CDHR1: variants seen among roughly 807,000 people sequenced by gnomAD.
CDHR1 encodes cadherin-related family member 1.
In CDHR1, 61 loss-of-function variants were observed where a neutral mutation model predicts 72.1. That is an observed-to-expected ratio of 0.85 (90% CI 0.69 to 1.05). The LOEUF (loss-of-function observed/expected upper bound fraction) is 1.05, where lower values mean the gene tolerates loss of function less well. Among genes scored for constraint, CDHR1 ranks in the 50% least tolerant of loss-of-function variants. The pLI is 0.00. For synonymous variants in CDHR1, 470 were observed against 448.1 expected, an observed-to-expected ratio of 1.05 and a Z score of -0.62; for missense variants, 1,186 against 1,115.7, an observed-to-expected ratio of 1.06 and a Z score of -0.90.
In CDHR1 at chr10:84,216,543, C is replaced by T; in HGVS notation, c.*1922C>T. The T allele has an allele frequency of 9.1e-6, 9 of 985,498 alleles. No homozygotes were observed. The highest frequency in any genetic ancestry group is 1.1e-5 in the Non-Finnish European group (9 of 829,952). The allele number at this position is 985,498 out of a possible 1,614,324, so 61.0% of individuals were successfully genotyped here. A position where few individuals can be genotyped will look rare whatever the true frequency, so the allele number is the denominator to read the frequency against. ...CCAAAGGCCATGCTGATCCCCTGCTCCCTGCTTTCATTTATGTTTGCTGAC... is the reference window on the plus strand; with the variant it reads ...CCAAAGGCCATGCTGATCCCCTGCTTCCTGCTTTCATTTATGTTTGCTGAC... On this transcript the variant is annotated 3_prime_UTR_variant, in exon 17 of 17. Coordinates refer to ENST00000623527, the MANE Select transcript of CDHR1 (RefSeq NM_033100.4).
chr10:84,210,901 G>A lies in CDHR1; in HGVS notation c.1321-100G>A, dbSNP rs1564663798. The stretch of plus-strand genomic sequence containing the variant: ...AGCTGCGAGGAAGATCGGGAGACAC[G>A]GCAGATGGATGCCACATCAGTCCTG... On this transcript the variant is annotated intron_variant, in intron 12 of 16. Transcript: ENST00000623527. 1.6e-5 allele frequency: 21 copies of A among 1,326,694 alleles called. 1 individual carries two copies. The South Asian group carries it at 2.0e-4, about 13-fold the overall frequency. 82.2% of individuals were successfully genotyped at this position (1,326,694 alleles called of 1,614,324 possible). A position where few individuals can be genotyped will look rare whatever the true frequency, so the allele number is the denominator to read the frequency against.
At chr10:84,201,099 T>C (rs1842116867) in intron 6 of CDHR1, among the ~76,000 whole-genome samples, 1 of 152,174 alleles carries the variant, frequency 6.6e-6, no homozygotes, top group Non-Finnish European at 1.5e-5. Flanking sequence ...ACTGCACGGG[T>C]GCTGGAGAAA....
chr10:84,214,478 A>G lies in CDHR1; in HGVS notation c.2437A>G (p.Thr813Ala). Reference sequence around the variant, plus strand: ...TGGCGCAGCCCAGTGGACCGTGCCTACTGTCTCTGGCTCTCTCACTCCGCA... The same window carrying G: ...TGGCGCAGCCCAGTGGACCGTGCCTGCTGTCTCTGGCTCTCTCACTCCGCA... ...STGAAQWTVP[T>A]VSGSLTPQPT... The change falls in exon 17 of 17, where the codon ACT (threonine) becomes GCT (alanine). Residue 813 changes from threonine to alanine, a missense_variant. Transcript: ENST00000623527. The G allele has an allele frequency of 1.9e-6, 3 of 1,609,808 alleles. No individual in the cohort carries two copies. Among genetic ancestry groups the G allele is most frequent in the Non-Finnish European group, 1.7e-6 (2 of 1,179,568 alleles).
At chr10:84,219,042 G>GAAT, downstream of CDHR1, 2 of 769,612 alleles carry the variant, frequency 2.6e-6, no homozygotes, top group Middle Eastern at 4.9e-4. Context: ...TTTTACAGGT[G>GAAT]AGAACACTAA....
At chr10:84,195,694 G>A (rs1003439171) in intron 2 of CDHR1, 105 bp downstream of exon 2, 2 of 919,690 alleles carry the variant, frequency 2.2e-6, no homozygotes, top group Non-Finnish European at 3.5e-6. Flanking sequence ...CGCGCGCCCG[G>A]GGGCTCCTTG....
chr10:84,214,253 C>G lies in CDHR1; in HGVS notation c.2212C>G (p.Arg738Gly), dbSNP rs781596488. The change falls in exon 17 of 17, where the codon CGG becomes GGG. Residue 738 changes from arginine (R) to glycine (G), a missense_variant. Arg to Gly is a moderately radical substitution (Grantham distance 125, BLOSUM62 -2). Coordinates refer to ENST00000623527, the MANE Select transcript of CDHR1 (RefSeq NM_033100.4). The part of the protein sequence containing the change: ...KKSNKVLPMR[R>G]VLRKRPSPAP... ...GTCTAACAAGGTCCTGCCAATGCGG[C>G]GGGTGCTCCGCAAGCGGCCCAGCCC... The G allele has an allele frequency of 1.5e-5, 25 of 1,613,416 alleles. No homozygotes were observed. The Admixed American group carries it at 4.2e-4, about 27-fold the overall frequency.
At chr10:84,209,587 A>G (rs1314282891) in intron 12 of CDHR1, among the ~76,000 whole-genome samples, 2 of 151,848 alleles carry the variant, frequency 1.3e-5, no homozygotes, top group Non-Finnish European at 2.9e-5. Flanking sequence ...GAAAAAAGAC[A>G]GTCATTATTT....
intron 16 of CDHR1, 71 bp downstream of exon 16, chr10:84,213,419 A>G (rs1842373617): frequency 3.1e-6 from 5 of 1,598,240 alleles, no homozygotes; most frequent in Non-Finnish European, 3.4e-6. Context: ...ACGTGGGCAG[A>G]GCGAGAAGGA....
chr10:84,215,630 G>A lies in CDHR1; in HGVS notation c.*1009G>A, dbSNP rs1842414355. 3.1e-6 allele frequency: 3 copies of A among 962,024 alleles called. No individual in the cohort carries two copies. Among genetic ancestry groups the A allele is most frequent in the Non-Finnish European group, 3.7e-6 (3 of 808,734 alleles). 59.6% of individuals were successfully genotyped at this position (962,024 alleles called of 1,614,324 possible). On this transcript the variant is annotated 3_prime_UTR_variant, in exon 17 of 17. Coordinates refer to ENST00000623527, the MANE Select transcript of CDHR1 (RefSeq NM_033100.4). The stretch of plus-strand genomic sequence containing the variant: ...TACCTCACATGCAGGTCTAGGGTGA[G>A]GATTGAAGAAAATAGTGGTGATGAG...
In CDHR1 at chr10:84,211,098, A is replaced by T; in HGVS notation, c.1418A>T (p.Asp473Val). 1 of 1,613,868 alleles carries T rather than the reference A, an allele frequency of 6.2e-7. No individual in the cohort carries two copies. The highest frequency in any genetic ancestry group is 8.5e-7 in the Non-Finnish European group (1 of 1,179,976). ...ACCAATGACAATGTCCCCAAGTTCG[A>T]CTCCCTCTACTACGTTGCCAGGATT... The part of the protein sequence containing the change: ...LDTNDNVPKF[D>V]SLYYVARIPE... The change falls in exon 13 of 17, where the codon GAC becomes GTC. Residue 473 changes from aspartate to valine, a missense_variant. Transcript: ENST00000623527.
chr10:84,203,835 C>T (rs1027301182), intron 8 of CDHR1, among the ~76,000 whole-genome samples: 2 of 152,090 alleles, frequency 1.3e-5, no homozygotes, highest in African/African-American at 4.8e-5. Flanking sequence ...GGTGGGCCAG[C>T]GTAGGCCCAG....
rs145961269 is a variant in CDHR1, at chr10:84,213,379, G to A, written c.2040+31G>A. 5.8e-4 allele frequency: 931 copies of A among 1,613,898 alleles called. 5 individuals carry two copies. The African/African-American group carries it at 0.011, about 19-fold the overall frequency. ...TACAAAGCCATGGTCAGGAAAAAGGGGTCAGCAGGCCAGCTCAGACCTCTC... is the reference window on the plus strand; with the variant it reads ...TACAAAGCCATGGTCAGGAAAAAGGAGTCAGCAGGCCAGCTCAGACCTCTC... On this transcript the variant is annotated intron_variant, in intron 16 of 16. Coordinates refer to ENST00000623527, the MANE Select transcript of CDHR1 (RefSeq NM_033100.4).
chr10:84,204,569 G>A lies in CDHR1; in HGVS notation c.826G>A (p.Gly276Ser). Residue 276 changes from glycine (G) to serine (S), a missense_variant, in exon 9 of 17, where the codon GGC becomes AGC. By Grantham distance (56) the Gly-to-Ser change is moderately conservative (BLOSUM62 0). Transcript: ENST00000623527. ...LKVVAMDGDR[G>S]KPNRILYSLV... is the part of the protein sequence containing the mutation. ...GGTGGTCGCCATGGATGGAGACCGGGGCAAACCCAATCGAATTCTCTACAG... is the reference window on the plus strand; with the variant it reads ...GGTGGTCGCCATGGATGGAGACCGGAGCAAACCCAATCGAATTCTCTACAG... 5.0e-6 allele frequency: 8 copies of A among 1,613,920 alleles called. No homozygotes were observed. The highest frequency in any genetic ancestry group is 6.8e-6 in the Non-Finnish European group (8 of 1,179,820).
chr10:84,214,079 C>G lies in CDHR1; in HGVS notation c.2041-3C>G. 6.2e-7 allele frequency: 1 copy of G among 1,614,210 alleles called. No homozygotes were observed. The highest frequency in any genetic ancestry group is 8.5e-7 in the Non-Finnish European group (1 of 1,180,038). ...GAGTGCAGGGAGTGGCTTTCTCTTT[C>G]AGACCCTCTCCCGGAGCCCCATGGC... On this transcript the variant is annotated splice_region_variant and splice_polypyrimidine_tract_variant and intron_variant, in intron 16 of 16. Coordinates refer to ENST00000623527, the MANE Select transcript of CDHR1 (RefSeq NM_033100.4).
chr10:84,215,670 G>T lies in CDHR1; in HGVS notation c.*1049G>T. 1.0e-6 allele frequency: 1 copy of T among 984,528 alleles called. No homozygotes were observed. The highest frequency in any genetic ancestry group is 1.2e-6 in the Non-Finnish European group (1 of 829,078). 61.0% of individuals were successfully genotyped at this position (984,528 alleles called of 1,614,324 possible). A position where few individuals can be genotyped will look rare whatever the true frequency, so the allele number is the denominator to read the frequency against. On this transcript the variant is annotated 3_prime_UTR_variant, in exon 17 of 17. Transcript: ENST00000623527. ...GTGGTGATGAGGGCTTTAACCAAGTGCAAAGCGGCATGAATGCAAAGTATT... is the reference window on the plus strand; with the variant it reads ...GTGGTGATGAGGGCTTTAACCAAGTTCAAAGCGGCATGAATGCAAAGTATT...
chr10:84,200,373 C>T (rs1354516004), intron 5 of CDHR1, among the ~76,000 whole-genome samples: 1 of 152,200 alleles, frequency 6.6e-6, no homozygotes, highest in Non-Finnish European at 1.5e-5. Context: ...TCCTTGAGCA[C>T]ATCCCCCAGC....
Position 84,196,543 on chromosome 10 carries a change from G to GGA in CDHR1, c.193_194dup (p.Asp65GlufsTer51), listed in dbSNP as rs749926328. ...CACCCTGAATGGGACAGACCCTGAG[G>GGA]GAGACCCCATCTCCTACCACATCAG... is the stretch of plus-strand genomic sequence containing the variant. On this transcript the variant is annotated frameshift_variant, in exon 3 of 17. Coordinates refer to ENST00000623527, the MANE Select transcript of CDHR1 (RefSeq NM_033100.4). LOFTEE classifies it high-confidence loss of function. 1.2e-6 allele frequency: 2 copies of GGA among 1,614,192 alleles called. No homozygotes were observed. Among genetic ancestry groups the GGA allele is most frequent in the African/African-American group, 1.3e-5 (1 of 75,036 alleles).
At chr10:84,205,649 G>C in intron 9 of CDHR1, 178 bp from the exon 10 acceptor site, 1 of 662,612 alleles carries the variant, frequency 1.5e-6, no homozygotes, top group Non-Finnish European at 2.7e-6. Flanking sequence ...CACTAACTGT[G>C]TAGCCTTAGA....
At position 84,201,815 on chromosome 10, in the gene CDHR1, C is replaced by G; in HGVS notation, c.534C>G (p.His178Gln). 6.2e-7 allele frequency: 1 copy of G among 1,610,364 alleles called. No individual in the cohort carries two copies. The highest frequency in any genetic ancestry group is 8.5e-7 in the Non-Finnish European group (1 of 1,179,920). Residue 178 changes from histidine to glutamine, a missense_variant, in exon 7 of 17, where the codon CAC (histidine) becomes CAG (glutamine). Coordinates refer to ENST00000623527, the MANE Select transcript of CDHR1 (RefSeq NM_033100.4). ...GSVTYFLQNL[H>Q]SPFAVDRHSG... is the part of the protein sequence containing the mutation. ...CCCCCTAATTCTTATAGAACCTGCA[C>G]TCCCCATTTGCCGTGGACCGCCACA...
Sources: allele counts gnomAD v4.1 joint callset (sites outside exome capture counted in the v4.1 genomes callset), GRCh38; gene constraint gnomAD v4.1.1; transcripts MANE v1.5; gene names NCBI Gene and HGNC (gene_info 2026-07-23, HGNC 2026-07-21).